TNKS: variants seen among roughly 807,000 people sequenced by gnomAD.
TNKS encodes the protein tankyrase, also known as poly [ADP-ribose] polymerase tankyrase-1.
In TNKS, 72 loss-of-function variants were observed where a neutral mutation model predicts 135.8. The ratio of observed to expected loss-of-function variants is 0.53; its 90% confidence interval spans 0.44 to 0.64. The LOEUF is 0.64. TNKS is among the 30% of genes least tolerant of loss of function. The pLI is 0.00. For synonymous variants in TNKS, 849 were observed against 649.3 expected, an observed-to-expected ratio of 1.31 and a Z score of -4.68; for missense variants, 1,769 against 1,674.0, an observed-to-expected ratio of 1.06 and a Z score of -0.99.
intron 3 of TNKS, among the ~76,000 whole-genome samples, chr8:9,675,194 A>T (rs76043214): frequency 0.012 from 1,798 of 152,236 alleles, 35 homozygotes; most frequent in African/African-American, 0.039. Flanking sequence ...CTGGTTTTTA[A>T]TTTTCAAATC....
intron 1 of TNKS, chr8:9,557,981 A>G (rs547276990): frequency 9.2e-5 from 14 of 152,318 alleles, no homozygotes; most frequent in African/African-American, 3.4e-4. Context: ...TTTTGTGAGT[A>G]ATTGAAGTGT....
chr8:9,694,808 A>T (rs1445818673), intron 5 of TNKS, among the ~76,000 whole-genome samples: 1 of 152,136 alleles, frequency 6.6e-6, no homozygotes, highest in Non-Finnish European at 1.5e-5. Context: ...ACAAGAAGAA[A>T]ACAGGTAATT....
chr8:9,681,717 G>A (rs984574334), intron 5 of TNKS, among the ~76,000 whole-genome samples: 1 of 152,054 alleles, frequency 6.6e-6, no homozygotes, highest in Non-Finnish European at 1.5e-5. Context: ...GTACCCCTTA[G>A]AAATAATAAA....
chr8:9,598,272 C>T (rs1340887385), intron 2 of TNKS, among the ~76,000 whole-genome samples: 1 of 152,042 alleles, frequency 6.6e-6, no homozygotes, highest in Non-Finnish European at 1.5e-5. Flanking sequence ...TGGTCTTGAT[C>T]TCCTGACCTC....
chr8:9,611,713 C>T (rs750458748), intron 2 of TNKS, among the ~76,000 whole-genome samples: 1 of 152,128 alleles, frequency 6.6e-6, no homozygotes, highest in African/African-American at 2.4e-5. Context: ...AGAAAATAGT[C>T]CCACATAAAT....
chr8:9,721,298 T>TAA (rs1554477764), intron 12 of TNKS, among the ~76,000 whole-genome samples: 3 of 118,154 alleles, frequency 2.5e-5, no homozygotes, highest in African/African-American at 8.7e-5. Context: ...AATAAATAAA[T>TAA]TATATATATA....
At chr8:9,610,845 T>C (rs1799436105) in intron 2 of TNKS, among the ~76,000 whole-genome samples, 1 of 152,216 alleles carries the variant, frequency 6.6e-6, no homozygotes, top group Non-Finnish European at 1.5e-5. Flanking sequence ...TAAACACAAT[T>C]TATTATAATA....
At chr8:9,591,537 T>G (rs1563100646) in intron 2 of TNKS, among the ~76,000 whole-genome samples, 1 of 152,238 alleles carries the variant, frequency 6.6e-6, no homozygotes, top group Non-Finnish European at 1.5e-5. Flanking sequence ...AATATTTTTA[T>G]GTACAGTGGT....
intron 3 of TNKS, among the ~76,000 whole-genome samples, chr8:9,664,816 G>T (rs1801912127): frequency 6.6e-6 from 1 of 152,142 alleles, no homozygotes; most frequent in Admixed American, 6.5e-5. Context: ...CTCTAGAAGA[G>T]ACCTTAAATT....
chr8:9,657,755 C>T (rs946598738), intron 3 of TNKS, among the ~76,000 whole-genome samples: 148 of 142,592 alleles, frequency 1.0e-3, no homozygotes, highest in Non-Finnish European at 1.8e-3. Flanking sequence ...ACCTCCCGGA[C>T]GGGGCGGCTG....
intron 2 of TNKS, among the ~76,000 whole-genome samples, chr8:9,609,047 A>T (rs1799343592): frequency 6.6e-6 from 1 of 152,152 alleles, no homozygotes; most frequent in African/African-American, 2.4e-5. Flanking sequence ...GTTCTGTTTA[A>T]TTCTTTTATA....
intron 3 of TNKS, among the ~76,000 whole-genome samples, chr8:9,622,992 C>G (rs908316663): frequency 3.3e-5 from 5 of 152,022 alleles, no homozygotes; most frequent in African/African-American, 1.2e-4. Flanking sequence ...GATTAACAAC[C>G]ATACCAATAA....
At chr8:9,676,407 T>G (rs2128795394) in intron 3 of TNKS, among the ~76,000 whole-genome samples, 1 of 152,312 alleles carries the variant, frequency 6.6e-6, no homozygotes, top group Middle Eastern at 3.4e-3. Context: ...ACCAAATGAC[T>G]TATTTTTACA....
intron 3 of TNKS, among the ~76,000 whole-genome samples, chr8:9,665,198 C>G (rs1285984848): frequency 6.6e-6 from 1 of 152,106 alleles, no homozygotes; most frequent in East Asian, 1.9e-4. Flanking sequence ...CATTGGTTTC[C>G]TTGAGCTTCC....
intron 5 of TNKS, among the ~76,000 whole-genome samples, chr8:9,703,944 G>C (rs770941833): frequency 1.3e-5 from 2 of 152,166 alleles, no homozygotes; most frequent in African/African-American, 2.4e-5. Context: ...TTTTAGTAGA[G>C]AACCTTCTAA....
chr8:9,617,342 C>T lies in TNKS; in HGVS notation c.994+1665C>T, dbSNP rs544345141. Among the ~76,000 whole-genome samples the T allele has an allele frequency of 5.9e-5, 9 of 152,232 alleles. No homozygotes were observed. In the South Asian group the frequency reaches 1.0e-3, roughly 18 times the overall value. The stretch of plus-strand genomic sequence containing the variant: ...TGTACTTTGCTTAGATAGGAATATA[C>T]GAAATTCTTGGTCATAATACTGATT... On this transcript the variant is annotated intron_variant, in intron 3 of 26. Transcript: ENST00000310430.
At chr8:9,770,340 C>A (rs2128840130) in intron 26 of TNKS, 78 bp downstream of exon 26, 2 of 1,417,810 alleles carry the variant, frequency 1.4e-6, no homozygotes, top group Non-Finnish European at 9.6e-7. Context: ...AGACTTGAGA[C>A]ACTTTTCAGT....
intron 2 of TNKS, among the ~76,000 whole-genome samples, chr8:9,608,036 G>C (rs6651502): frequency 0.29 from 43,699 of 151,906 alleles, 6,564 homozygotes; most frequent in East Asian, 0.38. Context: ...ACCTCCTGAG[G>C]CTCAAGCGAT....
Position 9,610,588 on chromosome 8 carries a change from A to G in TNKS, c.899-4994A>G, listed in dbSNP as rs1314511342. Among the ~76,000 whole-genome samples, 3 of 152,268 alleles carry G rather than the reference A, an allele frequency of 2.0e-5. No individual in the cohort carries two copies. In the East Asian group the frequency reaches 5.8e-4, roughly 29 times the overall value. On this transcript the variant is annotated intron_variant, in intron 2 of 26. Coordinates refer to ENST00000310430, the MANE Select transcript of TNKS (RefSeq NM_003747.3). ...TCCTTTGATATTTTTCTATAAAATT[A>G]AAAATTTTCTTTGCTTAAAAAATTC...
Sources: gnomAD v4.1 joint callset for allele counts (sites outside exome capture counted in the v4.1 genomes callset) on GRCh38, gnomAD v4.1.1 for gene constraint, MANE v1.5 for transcripts, NCBI Gene and HGNC (gene_info 2026-07-23, HGNC 2026-07-21) for gene names.